KCNJ6: variants seen among roughly 807,000 people sequenced by gnomAD.
The protein encoded by KCNJ6 is G protein-activated inward rectifier potassium channel 2.
In KCNJ6, 9 loss-of-function variants were observed where a neutral mutation model predicts 34.2. That is an observed-to-expected ratio of 0.26 (90% CI 0.16 to 0.46). KCNJ6 has a LOEUF of 0.46. Ranked by LOEUF, KCNJ6 falls within the 20% of genes least tolerant of loss-of-function variation. The pLI, the probability that KCNJ6 is intolerant of heterozygous loss-of-function variation, is 1.00. For missense variants in KCNJ6, 236 were observed against 531.3 expected (o/e 0.44, Z 5.46); for synonymous variants, 196 against 207.1 (o/e 0.95, Z 0.46).
intron 2 of KCNJ6, among the ~76,000 whole-genome samples, chr21:37,836,671 T>C (rs536084405): frequency 2.3e-4 from 35 of 152,094 alleles, no homozygotes; most frequent in African/African-American, 8.2e-4. Context: ...TTCTCACTCA[T>C]AGGTGGAAGT....
At chr21:37,715,289 A>G (rs2054784551) in intron 2 of KCNJ6, among the ~76,000 whole-genome samples, 158 bp from the exon 3 acceptor site, 1 of 152,250 alleles carries the variant, frequency 6.6e-6, no homozygotes, top group African/African-American at 2.4e-5. Flanking sequence ...CCATCTGGAT[A>G]GGCCTCTAGT....
intron 1 of KCNJ6, among the ~76,000 whole-genome samples, chr21:37,907,896 T>C (rs1043885406): frequency 1.3e-5 from 2 of 152,224 alleles, no homozygotes; most frequent in Admixed American, 6.5e-5. Flanking sequence ...CCCTTTTAAA[T>C]TGAAATGATT....
chr21:37,833,432 AT>A (rs1393325752), intron 2 of KCNJ6, among the ~76,000 whole-genome samples: 1 of 152,134 alleles, frequency 6.6e-6, no homozygotes, highest in Non-Finnish European at 1.5e-5. Context: ...AGGCGAGGTT[AT>A]TGACTTGCTT....
At chr21:37,786,478 T>A (rs2055193124) in intron 2 of KCNJ6, among the ~76,000 whole-genome samples, 1 of 152,158 alleles carries the variant, frequency 6.6e-6, no homozygotes, top group African/African-American at 2.4e-5. Context: ...TCAGAGGCCA[T>A]CTCCTTTCAG....
At chr21:37,753,829 T>C (rs2055009730) in intron 2 of KCNJ6, among the ~76,000 whole-genome samples, 1 of 151,884 alleles carries the variant, frequency 6.6e-6, no homozygotes, top group African/African-American at 2.4e-5. Flanking sequence ...AGGGGGCAGG[T>C]CCCAGTCCCT....
intron 3 of KCNJ6, among the ~76,000 whole-genome samples, chr21:37,666,864 C>T (rs1417424990): frequency 6.6e-6 from 1 of 151,568 alleles, no homozygotes; most frequent in African/African-American, 2.4e-5. Context: ...CAACCCCGTG[C>T]TCTCTGAAAC....
chr21:37,879,714 A>AGTGTGTGTGTGTGT (rs56736533), intron 1 of KCNJ6, among the ~76,000 whole-genome samples: 3 of 143,288 alleles, frequency 2.1e-5, no homozygotes, highest in Non-Finnish European at 4.6e-5. Flanking sequence ...CTTGAAATGA[A>AGTGTGTGTGTGTGT]GTGTGTGTGT....
At chr21:37,759,562 C>A (rs570930835) in intron 2 of KCNJ6, among the ~76,000 whole-genome samples, 3 of 152,200 alleles carry the variant, frequency 2.0e-5, no homozygotes, top group Non-Finnish European at 4.4e-5. Context: ...TCCCCGCCAT[C>A]CCCATCACTG....
intron 3 of KCNJ6, among the ~76,000 whole-genome samples, chr21:37,648,517 G>A (rs960555042): frequency 2.0e-5 from 3 of 152,112 alleles, no homozygotes; most frequent in Admixed American, 1.3e-4. Context: ...TTAGAGTGGG[G>A]GACAAAATCC....
chr21:37,798,670 A>G (rs1442008346), intron 2 of KCNJ6, among the ~76,000 whole-genome samples: 2 of 152,240 alleles, frequency 1.3e-5, no homozygotes, highest in Non-Finnish European at 2.9e-5. Flanking sequence ...CAGATAGGAA[A>G]GACCATAGAT....
At chr21:37,898,346 A>T (rs146556350) in intron 1 of KCNJ6, among the ~76,000 whole-genome samples, 1 of 152,336 alleles carries the variant, frequency 6.6e-6, no homozygotes, top group East Asian at 1.9e-4. Flanking sequence ...CAGTATTGGG[A>T]GGCCAAGGTG....
intron 1 of KCNJ6, among the ~76,000 whole-genome samples, chr21:37,872,528 C>T (rs1168492068): frequency 6.6e-6 from 1 of 152,190 alleles, no homozygotes. Flanking sequence ...CTTAATAACA[C>T]TCATTTGCTT....
chr21:37,853,918 G>A (rs899527087), intron 1 of KCNJ6, among the ~76,000 whole-genome samples: 3 of 144,482 alleles, frequency 2.1e-5, no homozygotes, highest in Non-Finnish European at 4.5e-5. Context: ...AACAGCCACT[G>A]AAAAAGCTAA....
At chr21:37,774,259 A>C (rs1194048706) in intron 2 of KCNJ6, among the ~76,000 whole-genome samples, 1 of 152,196 alleles carries the variant, frequency 6.6e-6, no homozygotes, top group Non-Finnish European at 1.5e-5. Flanking sequence ...TTTACTTGAC[A>C]CAATTGTTTG....
intron 3 of KCNJ6, among the ~76,000 whole-genome samples, chr21:37,712,567 CCT>C (rs1458075432): frequency 9.3e-5 from 10 of 107,178 alleles, no homozygotes; most frequent in Admixed American, 8.7e-5. Context: ...CTCCCCTTCT[CCT>C]CCTCTTCTTC....
chr21:37,746,449 T>G (rs982754873), intron 2 of KCNJ6, among the ~76,000 whole-genome samples: 45 of 151,916 alleles, frequency 3.0e-4, no homozygotes, highest in African/African-American at 1.1e-3. Flanking sequence ...GGAAGGGAGG[T>G]GAGGGTGTTT....
chr21:37,653,515 C>T (rs185829575), intron 3 of KCNJ6, among the ~76,000 whole-genome samples: 4 of 152,026 alleles, frequency 2.6e-5, no homozygotes, highest in South Asian at 2.1e-4. Flanking sequence ...CAAGGGGGGA[C>T]GTAGGGTGAA....
intron 1 of KCNJ6, among the ~76,000 whole-genome samples, chr21:37,900,459 C>T (rs2055811373): frequency 1.3e-5 from 2 of 152,182 alleles, no homozygotes; most frequent in South Asian, 2.1e-4. Context: ...AAGAACTCTA[C>T]CCCTAGGAGC....
At chr21:37,737,092 C>T (rs945245060) in intron 2 of KCNJ6, among the ~76,000 whole-genome samples, 1 of 152,004 alleles carries the variant, frequency 6.6e-6, no homozygotes, top group African/African-American at 2.4e-5. Context: ...TGATATGTTA[C>T]GGGGGGATCT....
Sources: gnomAD v4.1 joint callset for allele counts (sites outside exome capture counted in the v4.1 genomes callset) on GRCh38, gnomAD v4.1.1 for gene constraint, MANE v1.5 for transcripts, NCBI Gene and HGNC (gene_info 2026-07-23, HGNC 2026-07-21) for gene names.